Variants in CTNNA3 observed in about 807,000 individuals in gnomAD.
CTNNA3 encodes catenin alpha 3, also known as catenin alpha-3.
CTNNA3 carries 76 observed loss-of-function variants against 95.7 expected under a neutral mutation model. The ratio of observed to expected loss-of-function variants is 0.79; its 90% confidence interval spans 0.66 to 0.96. The LOEUF (loss-of-function observed/expected upper bound fraction) is 0.96. CTNNA3 is among the 40% of genes least tolerant of loss of function. CTNNA3 has a pLI of 0.00. For missense variants in CTNNA3, 1,191 were observed against 1,089.8 expected (o/e 1.09, Z -1.31); for synonymous variants, 431 against 374.4 (o/e 1.15, Z -1.74).
At chr10:66,443,855 T>G (rs1294722128) in intron 11 of CTNNA3, among the ~76,000 whole-genome samples, 2 of 152,146 alleles carry the variant, frequency 1.3e-5, no homozygotes, top group African/African-American at 2.4e-5. Context: ...AGAAGAAGGC[T>G]TCAGACGATC....
intron 17 of CTNNA3, among the ~76,000 whole-genome samples, chr10:65,955,773 C>T (rs1346787776): frequency 5.3e-5 from 8 of 151,962 alleles, no homozygotes; most frequent in African/African-American, 9.7e-5. Flanking sequence ...TTTGATGTGC[C>T]GCTGGATTCA....
intron 7 of CTNNA3, among the ~76,000 whole-genome samples, chr10:66,962,574 T>C (rs1304015324): frequency 1.3e-5 from 2 of 151,926 alleles, no homozygotes; most frequent in Non-Finnish European, 2.9e-5. Context: ...CACACCCAGA[T>C]AATTTTTTTT....
intron 7 of CTNNA3, among the ~76,000 whole-genome samples, chr10:67,040,622 T>A (rs1331070136): frequency 2.0e-5 from 3 of 152,136 alleles, no homozygotes; most frequent in Non-Finnish European, 2.9e-5. Context: ...GTCTATATTT[T>A]TTAAACAGTA....
chr10:67,301,450 C>G (rs1840265933), intron 5 of CTNNA3, among the ~76,000 whole-genome samples: 1 of 152,002 alleles, frequency 6.6e-6, no homozygotes. Flanking sequence ...GGAGAGTCCT[C>G]AAAAAACTAA....
chr10:66,779,770 GTTC>G (rs1840456939), intron 7 of CTNNA3, among the ~76,000 whole-genome samples: 1 of 152,160 alleles, frequency 6.6e-6, no homozygotes, highest in African/African-American at 2.4e-5. Context: ...CTTTCTTATA[GTTC>G]TTATACTTCT....
At chr10:66,433,602 C>T (rs1374198169) in intron 11 of CTNNA3, among the ~76,000 whole-genome samples, 1 of 152,050 alleles carries the variant, frequency 6.6e-6, no homozygotes, top group East Asian at 1.9e-4. Context: ...TTGCCTGTTT[C>T]CTCTGATGGT....
At chr10:65,921,050 T>C (rs186380078) in intron 17 of CTNNA3, among the ~76,000 whole-genome samples, 21 of 152,324 alleles carry the variant, frequency 1.4e-4, no homozygotes, top group Admixed American at 1.2e-3. Context: ...TCCTGTTAAA[T>C]ATTATCCTGT....
At chr10:66,320,631 C>T (rs1018315001) in intron 12 of CTNNA3, among the ~76,000 whole-genome samples, 1 of 152,106 alleles carries the variant, frequency 6.6e-6, no homozygotes, top group Non-Finnish European at 1.5e-5. Flanking sequence ...TCTCTCATTC[C>T]TAACCCAGCC....
chr10:66,609,017 G>T (rs1293460293), intron 10 of CTNNA3, among the ~76,000 whole-genome samples: 2 of 152,050 alleles, frequency 1.3e-5, no homozygotes, highest in East Asian at 3.9e-4. Flanking sequence ...TACAGAATGG[G>T]AGATACATTC....
chr10:66,685,221 A>ATATATACACGTATATATGTGTG (rs1589121799), intron 9 of CTNNA3, among the ~76,000 whole-genome samples: 3 of 122,332 alleles, frequency 2.5e-5, no homozygotes, highest in African/African-American at 1.1e-4. Flanking sequence ...ATATATGTGT[A>ATATATACACGTATATATGTGTG]TATATATACG....
chr10:66,002,490 T>C (rs1033011974), intron 15 of CTNNA3, among the ~76,000 whole-genome samples: 9 of 152,210 alleles, frequency 5.9e-5, no homozygotes, highest in Non-Finnish European at 1.0e-4. Flanking sequence ...ATTTCTCTTG[T>C]TCCATATTAT....
rs185995515 is a variant in CTNNA3 at position 67,581,194 on chromosome 10, T to C, written c.292+25663A>G. Reference sequence around the variant, plus strand: ...CATTCAGTATGATATTGGCTGTAGGTTTCTCATAAATAGCTATTATTATTT... The same window carrying C: ...CATTCAGTATGATATTGGCTGTAGGCTTCTCATAAATAGCTATTATTATTT... On this transcript the variant is annotated intron_variant, in intron 3 of 17. Coordinates refer to ENST00000433211, the MANE Select transcript of CTNNA3 (RefSeq NM_013266.4). Among the ~76,000 whole-genome samples, 400 of 152,326 alleles carry C rather than the reference T, an allele frequency of 2.6e-3. 2 individuals are homozygous for C. The highest frequency in any genetic ancestry group is 8.9e-3 in the African/African-American group (370 of 41,552).
At chr10:67,673,550 A>T (rs1840481065) in intron 1 of CTNNA3, among the ~76,000 whole-genome samples, 1 of 148,770 alleles carries the variant, frequency 6.7e-6, no homozygotes, top group Non-Finnish European at 1.5e-5. Flanking sequence ...TACCTAATTT[A>T]TTGAGAGTTT....
intron 5 of CTNNA3, among the ~76,000 whole-genome samples, chr10:67,356,246 C>G (rs1347808238): frequency 6.6e-6 from 1 of 151,988 alleles, no homozygotes; most frequent in Non-Finnish European, 1.5e-5. Context: ...CTCTCTTCCC[C>G]TGTAGGGTCC....
intron 17 of CTNNA3, among the ~76,000 whole-genome samples, chr10:65,930,650 G>A (rs2133141638): frequency 6.6e-6 from 1 of 152,086 alleles, no homozygotes; most frequent in Middle Eastern, 3.4e-3. Flanking sequence ...ATAATATTGA[G>A]TATGCTTAAA....
intron 7 of CTNNA3, among the ~76,000 whole-genome samples, chr10:67,103,648 T>C (rs544185750): frequency 2.9e-4 from 44 of 151,816 alleles, no homozygotes; most frequent in South Asian, 6.2e-4. Flanking sequence ...CAAATCTAGA[T>C]TTGTTAGGCT....
chr10:66,298,169 C>A (rs1355938423), intron 12 of CTNNA3, among the ~76,000 whole-genome samples: 1 of 152,124 alleles, frequency 6.6e-6, no homozygotes, highest in Non-Finnish European at 1.5e-5. Flanking sequence ...TTTATCTCTG[C>A]AAGATAGAGG....
intron 12 of CTNNA3, among the ~76,000 whole-genome samples, chr10:66,365,199 G>A (rs1037498636): frequency 6.6e-6 from 1 of 152,154 alleles, no homozygotes; most frequent in African/African-American, 2.4e-5. Flanking sequence ...GGAATACTAT[G>A]CAGCCATAAA....
chr10:66,459,589 ATACATTCTGAGAAATATGTTG>A (rs1179452859), intron 11 of CTNNA3, among the ~76,000 whole-genome samples: 1 of 152,180 alleles, frequency 6.6e-6, no homozygotes, highest in African/African-American at 2.4e-5. Flanking sequence ...AATGGTGGGA[ATACATTCTGAGAAATATGTTG>A]TTAGGTGATT....
Sources: allele counts gnomAD v4.1 joint callset (sites outside exome capture counted in the v4.1 genomes callset), GRCh38; gene constraint gnomAD v4.1.1; transcripts MANE v1.5; gene names NCBI Gene and HGNC (gene_info 2026-07-23, HGNC 2026-07-21).